Variants in MYLK observed in about 807,000 individuals in gnomAD.
MYLK encodes the protein myosin light chain kinase.
In MYLK, 106 loss-of-function variants were observed where a neutral mutation model predicts 203.4. The observed-to-expected ratio is 0.52, with a 90% confidence interval of 0.45 to 0.61. The LOEUF is 0.61. MYLK is among the 20% of genes least tolerant of loss of function. MYLK has a pLI of 0.00. For missense variants in MYLK, 2,072 were observed against 2,442.3 expected (o/e 0.85, Z 3.20); for synonymous variants, 867 against 959.5 (o/e 0.90, Z 1.78).
intron 4 of MYLK, among the ~76,000 whole-genome samples, chr3:123,762,941 T>G (rs1232962159): frequency 1.3e-5 from 2 of 152,196 alleles, no homozygotes; most frequent in Non-Finnish European, 2.9e-5. Context: ...AGCACAAACT[T>G]TAAATGGACT....
intron 2 of MYLK, among the ~76,000 whole-genome samples, chr3:123,849,738 C>A (rs535202410): frequency 6.6e-6 from 1 of 151,186 alleles, no homozygotes; most frequent in Admixed American, 6.6e-5. Flanking sequence ...TTTCTGAGTA[C>A]ATTTATTCAT....
At position 123,752,475 on chromosome 3, in the gene MYLK, C is replaced by T. The variant is rs139000120; in HGVS notation, c.229G>A (p.Gly77Ser). ...ATGCCGCAATCCAGCAGGAAGCGGC[C>T]CCCGCTGGTGATGGGTTGCCCGTTT... ...HRNGQPITSG[G>S]RFLLDCGIRG... The change falls in exon 5 of 34, where the codon GGC (glycine) becomes AGC (serine). Residue 77 changes from glycine to serine, a missense_variant. By Grantham distance (56) the Gly-to-Ser change is moderately conservative. Transcript: ENST00000360304. The T allele has an allele frequency of 6.0e-5, 97 of 1,614,024 alleles. No homozygotes were observed. The highest frequency in any genetic ancestry group is 7.9e-5 in the Non-Finnish European group (93 of 1,180,046).
chr3:123,702,384 C>T (rs1022573019), intron 16 of MYLK, among the ~76,000 whole-genome samples: 1 of 152,206 alleles, frequency 6.6e-6, no homozygotes, highest in Admixed American at 6.5e-5. Flanking sequence ...ATACAGCACC[C>T]TCCAGCTTTC....
At chr3:123,798,698 A>T (rs1459761866) in intron 3 of MYLK, among the ~76,000 whole-genome samples, 1 of 152,126 alleles carries the variant, frequency 6.6e-6, no homozygotes, top group Non-Finnish European at 1.5e-5. Context: ...GGGAACATCT[A>T]GTCCCTTGCA....
intron 4 of MYLK, among the ~76,000 whole-genome samples, chr3:123,783,986 G>A (rs1347034528): frequency 6.6e-6 from 1 of 152,190 alleles, no homozygotes; most frequent in African/African-American, 2.4e-5. Context: ...GGCTGGGCAG[G>A]AAACACATGT....
chr3:123,870,023 C>T (rs970096658), intron 2 of MYLK, among the ~76,000 whole-genome samples: 1 of 151,972 alleles, frequency 6.6e-6, no homozygotes, highest in African/African-American at 2.4e-5. Context: ...GGGCATGGAC[C>T]CTCCTGCTCT....
chr3:123,664,355 G>T, intron 22 of MYLK, 97 bp from the exon 23 acceptor site: 1 of 1,542,924 alleles, frequency 6.5e-7, no homozygotes. Context: ...GAAGGATGCA[G>T]CTGGACAAGC....
Position 123,883,660 on chromosome 3 carries a change from G to A in MYLK, c.-186+546C>T, listed in dbSNP as rs564728173. On this transcript the variant is annotated intron_variant, in intron 1 of 33. Transcript: ENST00000360304. Reference sequence around the variant, plus strand: ...CGGCGAACAAGGTCCCTCAACAATGGGACCCCAGTTAACGCGAAGGAGGCA... The same window carrying A: ...CGGCGAACAAGGTCCCTCAACAATGAGACCCCAGTTAACGCGAAGGAGGCA... Among the ~76,000 whole-genome samples the A allele has an allele frequency of 2.6e-5, 4 of 152,266 alleles. No individual in the cohort carries two copies. In the South Asian group the frequency reaches 8.3e-4, roughly 32 times the overall value.
At chr3:123,706,557 T>C (rs970515367) in intron 16 of MYLK, among the ~76,000 whole-genome samples, 1 of 152,150 alleles carries the variant, frequency 6.6e-6, no homozygotes, top group African/African-American at 2.4e-5. Context: ...CTTCGATGCT[T>C]ACACCAACCC....
intron 5 of MYLK, among the ~76,000 whole-genome samples, chr3:123,745,419 A>G (rs1366390103): frequency 2.0e-5 from 3 of 152,170 alleles, no homozygotes; most frequent in Non-Finnish European, 4.4e-5. Flanking sequence ...TGAATATTAA[A>G]CTTGGTATTG....
rs534417118 is a variant in MYLK, at chr3:123,615,972, G to A, written c.5501-1623C>T. Among the ~76,000 whole-genome samples the A allele has an allele frequency of 1.1e-3, 168 of 152,268 alleles. 1 individual carries two copies. The highest frequency in any genetic ancestry group is 0.01 in the Middle Eastern group (3 of 294). On this transcript the variant is annotated intron_variant, in intron 33 of 33. Transcript: ENST00000360304. ...CCTAAATTTTCAATTTTGTATAATA[G>A]TTTAAGTGAAATAATTTAAATGAAA...
chr3:123,690,474 G>C (rs1576567659), intron 19 of MYLK, among the ~76,000 whole-genome samples: 1 of 152,254 alleles, frequency 6.6e-6, no homozygotes, highest in African/African-American at 2.4e-5. Flanking sequence ...GGAGTAGGGA[G>C]AGCTGAGGGG....
At chr3:123,727,441 G>C (rs1473018489) in intron 11 of MYLK, among the ~76,000 whole-genome samples, 1 of 152,224 alleles carries the variant, frequency 6.6e-6, no homozygotes, top group Non-Finnish European at 1.5e-5. Flanking sequence ...CAAGGCATGT[G>C]AACTTGGACA....
In MYLK at chr3:123,793,676, C is replaced by T. The variant is rs1278771808; in HGVS notation, c.165+1G>A. ...CCTCCCCATCCAGCCACACTTCTTA[C>T]CCGCCCTTCGAACTTGGCGGTGGCT... On this transcript the variant is annotated splice_donor_variant, in intron 4 of 33. Transcript: ENST00000360304. LOFTEE classifies it high-confidence loss of function. 1 of 1,614,098 alleles carries T rather than the reference C, an allele frequency of 6.2e-7. No homozygotes were observed. The highest frequency in any genetic ancestry group is 1.1e-5 in the South Asian group (1 of 91,078).
chr3:123,718,094 T>A (rs2061965387), intron 13 of MYLK, among the ~76,000 whole-genome samples: 1 of 152,082 alleles, frequency 6.6e-6, no homozygotes, highest in Non-Finnish European at 1.5e-5. Flanking sequence ...ACTCCTCGGC[T>A]CAAGAGATCC....
At chr3:123,835,162 A>T (rs2066443483) in intron 2 of MYLK, among the ~76,000 whole-genome samples, 2 of 152,328 alleles carry the variant, frequency 1.3e-5, no homozygotes, top group South Asian at 4.1e-4. Flanking sequence ...ACTTGTTAGA[A>T]ATGCAGATTA....
At position 123,635,399 on chromosome 3, in the gene MYLK, C is replaced by T. The variant is rs574999334; in HGVS notation, c.4961+2672G>A. Among the ~76,000 whole-genome samples, 37 of 152,360 alleles carry T rather than the reference C, an allele frequency of 2.4e-4. 1 individual carries two copies. The South Asian group carries it at 7.5e-3, about 31-fold the overall frequency. ...GCTTGCCGGGGGAACTCCCTGACTT[C>T]CATCCATGCTGAGAGAGCCAGGCTG... On this transcript the variant is annotated intron_variant, in intron 29 of 33. Coordinates refer to ENST00000360304, the MANE Select transcript of MYLK (RefSeq NM_053025.4).
intron 24 of MYLK, 137 bp from the exon 25 acceptor site, chr3:123,649,331 A>G: frequency 5.3e-6 from 6 of 1,127,756 alleles, no homozygotes; most frequent in Non-Finnish European, 7.8e-6. Context: ...AGCTCTGGGC[A>G]TCCCCTGGGG....
Position 123,626,615 on chromosome 3 carries a change from C to T in MYLK, c.5238+203G>A, listed in dbSNP as rs1387534966. ...AGAGACAGCTAAGCTAAGAATCCAT[C>T]CCATCTCCTTGAGAAAGGGACTCTG... is the stretch of plus-strand genomic sequence containing the variant. On this transcript the variant is annotated intron_variant, in intron 31 of 33. Coordinates refer to ENST00000360304, the MANE Select transcript of MYLK (RefSeq NM_053025.4). Among the ~76,000 whole-genome samples the T allele has an allele frequency of 2.0e-5, 3 of 152,190 alleles. No homozygotes were observed. The East Asian group carries it at 5.8e-4, about 29-fold the overall frequency.
Sources: gnomAD v4.1 joint callset for allele counts (sites outside exome capture counted in the v4.1 genomes callset) on GRCh38, gnomAD v4.1.1 for gene constraint, MANE v1.5 for transcripts, NCBI Gene and HGNC (gene_info 2026-07-23, HGNC 2026-07-21) for gene names.